The following FAM107B variants were observed in gnomAD, a reference collection of about 807,000 sequenced individuals.
The protein encoded by FAM107B is protein FAM107B.
FAM107B carries 21 observed loss-of-function variants against 31.5 expected under a neutral mutation model. The observed-to-expected ratio is 0.67, with a 90% confidence interval of 0.47 to 0.96. The LOEUF (loss-of-function observed/expected upper bound fraction) is 0.96, where lower values mean the gene tolerates loss of function less well. FAM107B is among the 40% of genes least tolerant of loss of function. The pLI, the probability that FAM107B is intolerant of heterozygous loss-of-function variation, is 0.00. For missense variants in FAM107B, 452 were observed against 377.1 expected (o/e 1.20, Z -1.64); for synonymous variants, 157 against 141.5 (o/e 1.11, Z -0.78).
In FAM107B at chr10:14,591,685, C is replaced by T. The variant is rs1423001843; in HGVS notation, c.470-61170G>A. On this transcript the variant is annotated intron_variant, in intron 2 of 4. Transcript: ENST00000181796. The stretch of plus-strand genomic sequence containing the variant: ...TGCCACCCACCACAGGACCCCAACG[C>T]TCAGTTTTAGAATCACTACACGTGA... Among the ~76,000 whole-genome samples the T allele has an allele frequency of 7.2e-5, 11 of 152,208 alleles. 1 individual carries two copies. The highest frequency in any genetic ancestry group is 1.6e-4 in the Non-Finnish European group (11 of 68,042).
intron 2 of FAM107B, among the ~76,000 whole-genome samples, chr10:14,579,671 A>G (rs1564584230): frequency 6.6e-6 from 1 of 152,202 alleles, no homozygotes; most frequent in African/African-American, 2.4e-5. Context: ...AATACCCCAT[A>G]TTAGGAGATA....
At chr10:14,697,303 T>C (rs1855289667) in intron 1 of FAM107B, among the ~76,000 whole-genome samples, 1 of 152,178 alleles carries the variant, frequency 6.6e-6, no homozygotes, top group East Asian at 1.9e-4. Flanking sequence ...TTCTCCCAAC[T>C]TAACCAGGTC....
intron 2 of FAM107B, chr10:14,553,305 A>G (rs765232322): frequency 1.1e-4 from 136 of 1,243,408 alleles, no homozygotes; most frequent in Middle Eastern, 5.0e-4. Context: ...CGAGACAGTA[A>G]ATTTCCCCAC....
At chr10:14,718,257 G>A (rs1377845948) in intron 1 of FAM107B, among the ~76,000 whole-genome samples, 3 of 152,124 alleles carry the variant, frequency 2.0e-5, no homozygotes, top group African/African-American at 7.2e-5. Context: ...AACCTGGGAG[G>A]CGGAGGTTGC....
At chr10:14,544,368 G>A (rs930496689) in intron 2 of FAM107B, among the ~76,000 whole-genome samples, 2 of 152,142 alleles carry the variant, frequency 1.3e-5, no homozygotes, top group African/African-American at 4.8e-5. Flanking sequence ...AAACTCTCCT[G>A]AAATCAAGCC....
intron 1 of FAM107B, among the ~76,000 whole-genome samples, chr10:14,719,681 T>C (rs769115107): frequency 6.6e-6 from 1 of 152,170 alleles, no homozygotes; most frequent in Non-Finnish European, 1.5e-5. Context: ...AGGGTATTTA[T>C]GTTCCTCTCT....
chr10:14,604,227 G>T, intron 2 of FAM107B: 3 of 979,796 alleles, frequency 3.1e-6, no homozygotes, highest in African/African-American at 1.8e-5. Flanking sequence ...GTAAGTGCGG[G>T]AGGCGAACCT....
At chr10:14,615,772 A>G (rs1049526553) in intron 2 of FAM107B, among the ~76,000 whole-genome samples, 3 of 152,252 alleles carry the variant, frequency 2.0e-5, no homozygotes, top group Non-Finnish European at 2.9e-5. Flanking sequence ...GCACCATTCC[A>G]TACTCGAGAA....
chr10:14,685,593 G>C (rs1854964736), intron 1 of FAM107B, among the ~76,000 whole-genome samples: 1 of 152,166 alleles, frequency 6.6e-6, no homozygotes, highest in African/African-American at 2.4e-5. Context: ...CCTGGTAGCT[G>C]CCTATTGGCT....
chr10:14,560,924 C>T (rs1308219941), intron 2 of FAM107B, among the ~76,000 whole-genome samples: 1 of 152,206 alleles, frequency 6.6e-6, no homozygotes, highest in East Asian at 1.9e-4. Context: ...TGGGAGACAG[C>T]TGGCAGCAAT....
chr10:14,608,930 A>G (rs1363252959), intron 2 of FAM107B, among the ~76,000 whole-genome samples: 3 of 152,224 alleles, frequency 2.0e-5, no homozygotes, highest in African/African-American at 7.2e-5. Flanking sequence ...GGGCAAAGTA[A>G]CAGGTGCTAA....
intron 1 of FAM107B, among the ~76,000 whole-genome samples, chr10:14,759,444 C>T (rs1170971515): frequency 6.6e-6 from 1 of 152,170 alleles, no homozygotes; most frequent in South Asian, 2.1e-4. Context: ...GGTGCCCTCT[C>T]CTGGGCTGCC....
At chr10:14,618,027 T>C (rs543387053) in intron 2 of FAM107B, among the ~76,000 whole-genome samples, 20 of 152,212 alleles carry the variant, frequency 1.3e-4, no homozygotes, top group Non-Finnish European at 2.5e-4. Context: ...ACAATTATCA[T>C]AGGGAATATT....
At chr10:14,551,596 T>C (rs1160334365) in intron 2 of FAM107B, among the ~76,000 whole-genome samples, 8 of 151,968 alleles carry the variant, frequency 5.3e-5, no homozygotes. Flanking sequence ...TTCCTTTTTT[T>C]TTTTTTAAGG....
chr10:14,660,364 A>G (rs893304106), intron 2 of FAM107B, among the ~76,000 whole-genome samples: 3 of 147,664 alleles, frequency 2.0e-5, no homozygotes, highest in Non-Finnish European at 4.4e-5. Context: ...CATTTCACTT[A>G]AAAAAAAATG....
intron 2 of FAM107B, among the ~76,000 whole-genome samples, chr10:14,568,705 A>G (rs1588612910): frequency 6.6e-6 from 1 of 152,272 alleles, no homozygotes; most frequent in East Asian, 1.9e-4. Context: ...TTAGACCAGG[A>G]GGTGAAGATA....
chr10:14,643,437 T>A (rs1181537236), intron 2 of FAM107B, among the ~76,000 whole-genome samples: 1 of 146,172 alleles, frequency 6.8e-6, no homozygotes, highest in Admixed American at 7.0e-5. Flanking sequence ...TGAGACAGAG[T>A]CTGATGCTGT....
intron 2 of FAM107B, among the ~76,000 whole-genome samples, chr10:14,558,983 GT>G (rs1255698408): frequency 6.6e-6 from 1 of 151,672 alleles, no homozygotes; most frequent in East Asian, 1.9e-4. Context: ...AGCCACGCTG[GT>G]TTTGTTGATT....
chr10:14,588,997 C>T (rs542059078), intron 2 of FAM107B, among the ~76,000 whole-genome samples: 52 of 151,806 alleles, frequency 3.4e-4, no homozygotes, highest in African/African-American at 1.2e-3. Flanking sequence ...GCCTGGTCAA[C>T]GTGGTGAAAC....
Sources: gnomAD v4.1 joint callset for allele counts (sites outside exome capture counted in the v4.1 genomes callset) on GRCh38, gnomAD v4.1.1 for gene constraint, MANE v1.5 for transcripts, NCBI Gene and HGNC (gene_info 2026-07-23, HGNC 2026-07-21) for gene names.